USP20: variants seen among roughly 807,000 people sequenced by gnomAD.
USP20 encodes ubiquitin specific peptidase 20.
A neutral mutation model predicts 124.2 loss-of-function variants in USP20; 80 were observed. That is an observed-to-expected ratio of 0.64 (90% CI 0.54 to 0.78). USP20 has a LOEUF of 0.78. Among genes scored for constraint, USP20 ranks in the 30% least tolerant of loss-of-function variants. USP20 has a pLI of 0.00. For synonymous variants in USP20, 481 were observed against 512.3 expected (o/e 0.94, Z 0.83); for missense variants, 1,043 against 1,244.4 (o/e 0.84, Z 2.44).
rs2032091411 is a variant in USP20, at chr9:129,839,812, A to T, written c.-129+4313A>T. Reference sequence around the variant, plus strand: ...TGAGTAACAGGCACCAGAGGCAGCCAGGTCCAGATGTGCTGCCTACCTAGG... The same window carrying T: ...TGAGTAACAGGCACCAGAGGCAGCCTGGTCCAGATGTGCTGCCTACCTAGG... On this transcript the variant is annotated intron_variant, in intron 1 of 25. Transcript: ENST00000372429. This position sits in a 1 kb window ranked among gnomAD's most constrained non-coding sequence, Gnocchi z 4.5. Among the ~76,000 whole-genome samples, 1 of 152,142 alleles carries T rather than the reference A, an allele frequency of 6.6e-6. No individual in the cohort carries two copies. The highest frequency in any genetic ancestry group is 2.4e-5 in the African/African-American group (1 of 41,418).
chr9:129,876,638 CAAAAA>C (rs5900872), intron 22 of USP20, among the ~76,000 whole-genome samples: 2 of 126,722 alleles, frequency 1.6e-5, no homozygotes, highest in Non-Finnish European at 3.4e-5. Flanking sequence ...GACTCCATCT[CAAAAA>C]AAAAAAAAAA....
At chr9:129,876,099 G>A (rs1375934687) in intron 21 of USP20, 31 bp from the exon 22 acceptor site, 22 of 1,586,048 alleles carry the variant, frequency 1.4e-5, no homozygotes, top group Non-Finnish European at 1.9e-5. Flanking sequence ...CCCCGCTCAG[G>A]CCGTGTCTCT....
At chr9:129,865,703 C>A (rs1011838175) in intron 10 of USP20, among the ~76,000 whole-genome samples, 2 of 152,118 alleles carry the variant, frequency 1.3e-5, no homozygotes, top group African/African-American at 4.8e-5. Flanking sequence ...CTCACTCTGT[C>A]ACCCAGGCTG....
chr9:129,872,028 T>C (rs1246358664), intron 15 of USP20, among the ~76,000 whole-genome samples: 6 of 152,112 alleles, frequency 3.9e-5, no homozygotes. Flanking sequence ...GTTGTGGTTT[T>C]GATTTGCATT....
In USP20 at chr9:129,865,327, T is replaced by G. The variant is rs2033770518; in HGVS notation, c.636T>G (p.Ser212Arg). The change falls in exon 10 of 26, where the codon AGT (serine) becomes AGG (arginine). Residue 212 changes from serine (S) to arginine (R), a missense_variant. Coordinates refer to ENST00000372429, the MANE Select transcript of USP20 (RefSeq NM_001110303.4). ...GGCCAAGCTACGTGGTCCCCACCAG[T>G]CTGTCTCATGGGATCAAGTTGGTCA... is the stretch of plus-strand genomic sequence containing the variant. ...KKRPSYVVPT[S>R]LSHGIKLVNP... is the part of the protein sequence containing the mutation. The G allele has an allele frequency of 1.1e-5, 17 of 1,614,152 alleles. No individual in the cohort carries two copies. The highest frequency in any genetic ancestry group is 1.4e-5 in the Non-Finnish European group (17 of 1,179,996).
chr9:129,870,900 C>T (rs748237178), intron 15 of USP20, among the ~76,000 whole-genome samples: 4 of 152,048 alleles, frequency 2.6e-5, no homozygotes, highest in Non-Finnish European at 4.4e-5. Context: ...TTAAACATTG[C>T]CCATTCCTGT....
intron 22 of USP20, 28 bp downstream of exon 22, chr9:129,876,266 G>T: frequency 6.3e-7 from 1 of 1,575,138 alleles, no homozygotes; most frequent in Non-Finnish European, 8.6e-7. Flanking sequence ...GCGCGGGGGC[G>T]GCTCTGCCAG....
intron 1 of USP20, among the ~76,000 whole-genome samples, chr9:129,836,058 C>A (rs1431855607): frequency 6.6e-6 from 1 of 152,174 alleles, no homozygotes; most frequent in Admixed American, 6.5e-5. Context: ...CCCCCTGGAC[C>A]TTCACGGGTC....
intron 19 of USP20, 53 bp downstream of exon 19, chr9:129,875,008 G>T: frequency 6.3e-7 from 1 of 1,596,272 alleles, no homozygotes; most frequent in South Asian, 1.1e-5. Flanking sequence ...CGTCCCCTGG[G>T]ACCCATGGGC....
chr9:129,836,410 C>T (rs1326552402), intron 1 of USP20, among the ~76,000 whole-genome samples: 1 of 152,170 alleles, frequency 6.6e-6, no homozygotes, highest in Non-Finnish European at 1.5e-5. Flanking sequence ...AGGGGCAGTG[C>T]ACGCCTCAAG....
chr9:129,868,494 C>G lies in USP20; in HGVS notation c.1135+45C>G. 1.9e-6 allele frequency: 3 copies of G among 1,568,672 alleles called. No homozygotes were observed. In the Admixed American group the frequency reaches 5.3e-5, roughly 28 times the overall value. On this transcript the variant is annotated intron_variant, in intron 11 of 25. Coordinates refer to ENST00000372429, the MANE Select transcript of USP20 (RefSeq NM_001110303.4). ...TGCGGGAGGAACCTCAGCCTATGGC[C>G]CAGTACCTACCGGGTGCTGAGCGCC...
In USP20 at chr9:129,859,903, A is replaced by G. The variant is rs184544572; in HGVS notation, c.331-1034A>G. Among the ~76,000 whole-genome samples, 224 of 152,218 alleles carry G rather than the reference A, an allele frequency of 1.5e-3. 4 individuals are homozygous for G. The highest frequency in any genetic ancestry group is 0.012 in the Admixed American group (179 of 15,294). On this transcript the variant is annotated intron_variant, in intron 6 of 25. Coordinates refer to ENST00000372429, the MANE Select transcript of USP20 (RefSeq NM_001110303.4). ...TAAAATTAGCTAGGCATGGTGGCGC[A>G]TGCTTGTAATCCCAGCTACTTGGGA...
intron 1 of USP20, among the ~76,000 whole-genome samples, chr9:129,846,147 T>C (rs1400064627): frequency 6.7e-6 from 1 of 150,368 alleles, no homozygotes; most frequent in African/African-American, 2.5e-5. Flanking sequence ...GCCAGGATGA[T>C]CTTGATCTCC....
chr9:129,838,653 A>G (rs1037051648), intron 1 of USP20, among the ~76,000 whole-genome samples: 17 of 152,316 alleles, frequency 1.1e-4, no homozygotes, highest in African/African-American at 4.1e-4. Context: ...ATGCTGCCTG[A>G]AAAGAGAGGA....
chr9:129,837,253 C>G (rs915221641), intron 1 of USP20, among the ~76,000 whole-genome samples: 55 of 152,268 alleles, frequency 3.6e-4, no homozygotes, highest in African/African-American at 1.3e-3. Context: ...AAGGACCCTC[C>G]GAGAAATACA....
chr9:129,864,312 T>C (rs1167649362), intron 9 of USP20, among the ~76,000 whole-genome samples: 7 of 149,140 alleles, frequency 4.7e-5, no homozygotes, highest in Non-Finnish European at 8.9e-5. Context: ...CTACAAAAAC[T>C]ACAAAATTAG....
intron 1 of USP20, among the ~76,000 whole-genome samples, chr9:129,848,883 A>T (rs2032740766): frequency 6.6e-6 from 1 of 152,212 alleles, no homozygotes; most frequent in South Asian, 2.1e-4. Context: ...TGAAGCTGTC[A>T]TTGTCATGTG....
chr9:129,866,408 G>T (rs1008135248), intron 10 of USP20, among the ~76,000 whole-genome samples: 1 of 152,214 alleles, frequency 6.6e-6, no homozygotes, highest in Non-Finnish European at 1.5e-5. Flanking sequence ...GTCTCACAAA[G>T]TGGGCACTGT....
intron 15 of USP20, among the ~76,000 whole-genome samples, 172 bp downstream of exon 15, chr9:129,870,719 GAC>G (rs2034080766): frequency 6.6e-6 from 1 of 152,224 alleles, no homozygotes; most frequent in South Asian, 2.1e-4. Context: ...AGCCACGCTG[GAC>G]CAGGGCCATG....
Sources: allele counts gnomAD v4.1 joint callset (sites outside exome capture counted in the v4.1 genomes callset), GRCh38; gene constraint gnomAD v4.1.1; non-coding constraint Gnocchi (gnomAD v3.1); transcripts MANE v1.5; gene names NCBI Gene and HGNC (gene_info 2026-07-23, HGNC 2026-07-21).